RABGEF1: variants seen among roughly 807,000 people sequenced by gnomAD.
RABGEF1 encodes the protein RAB guanine nucleotide exchange factor 1.
In RABGEF1, 26 loss-of-function variants were observed where a neutral mutation model predicts 57.3. The observed-to-expected ratio is 0.45, with a 90% CI of 0.33 to 0.63. The LOEUF (loss-of-function observed/expected upper bound fraction) is 0.63, where lower values mean the gene tolerates loss of function less well. RABGEF1 is among the 20% of genes least tolerant of loss of function. The pLI is 0.02. For missense variants in RABGEF1, 464 were observed against 607.6 expected (o/e 0.76, Z 2.48); for synonymous variants, 185 against 210.7 (o/e 0.88, Z 1.06).
chr7:66,672,110 ACT>A, the RABGEF1 span, among the ~76,000 whole-genome samples: 22 of 150,250 alleles, frequency 1.5e-4, no homozygotes, highest in Admixed American at 2.6e-4. Flanking sequence ...TCCGGCTGAG[ACT>A]CTGTCTGTTA....
chr7:66,721,855 A>G (rs547894290), intron 2 of RABGEF1, among the ~76,000 whole-genome samples: 17 of 152,074 alleles, frequency 1.1e-4, no homozygotes, highest in East Asian at 3.9e-4. Context: ...GGTGCTTTGA[A>G]ACAGAAAGTT....
chr7:66,729,816 C>T (rs762790787), intron 2 of RABGEF1, among the ~76,000 whole-genome samples: 3 of 152,222 alleles, frequency 2.0e-5, no homozygotes, highest in Non-Finnish European at 4.4e-5. Context: ...TTGTGGAGCA[C>T]GTCTGCCTGT....
At chr7:66,669,171 A>G in the RABGEF1 span, 1 of 152,476 alleles carries the variant, frequency 6.6e-6, no homozygotes, top group Admixed American at 6.5e-5. Flanking sequence ...TCCAACTCCA[A>G]GCCTGTCTCT....
At chr7:66,759,079 C>T (rs1282787897) in intron 1 of RABGEF1, among the ~76,000 whole-genome samples, 3 of 152,198 alleles carry the variant, frequency 2.0e-5, no homozygotes, top group South Asian at 2.1e-4. Flanking sequence ...TCATCTCATA[C>T]GTAGATTCCT....
intron 1 of RABGEF1, among the ~76,000 whole-genome samples, chr7:66,688,096 A>T (rs1168157071): frequency 6.6e-6 from 1 of 151,672 alleles, no homozygotes; most frequent in Admixed American, 6.6e-5. Context: ...AAAAAAAAAA[A>T]AAAAAAAAAA....
intron 2 of RABGEF1, among the ~76,000 whole-genome samples, chr7:66,735,332 C>G (rs1187227990): frequency 6.6e-6 from 1 of 152,154 alleles, no homozygotes. Flanking sequence ...AATGACTGTT[C>G]CCTTAGACTA....
At chr7:66,759,227 A>G (rs1803589096) in intron 1 of RABGEF1, among the ~76,000 whole-genome samples, 1 of 152,194 alleles carries the variant, frequency 6.6e-6, no homozygotes, top group African/African-American at 2.4e-5. Flanking sequence ...CTCTCACAGG[A>G]CATATTTATT....
chr7:66,687,039 T>C (rs1417337273), intron 1 of RABGEF1, among the ~76,000 whole-genome samples: 1 of 150,856 alleles, frequency 6.6e-6, no homozygotes, highest in Non-Finnish European at 1.5e-5. Flanking sequence ...GCCAGGATGG[T>C]CTCGATCTCC....
the RABGEF1 span, among the ~76,000 whole-genome samples, chr7:66,661,298 C>CAAAAAAAAAAAAAA: frequency 1.3e-5 from 1 of 78,044 alleles, no homozygotes; most frequent in African/African-American, 5.5e-5. Context: ...GACTCCATCT[C>CAAAAAAAAAAAAAA]AAAAAAAAAA....
chr7:66,763,268 A>G (rs1390503121), intron 1 of RABGEF1, among the ~76,000 whole-genome samples: 2 of 152,240 alleles, frequency 1.3e-5, no homozygotes, highest in East Asian at 3.8e-4. Flanking sequence ...AGCATCGGCC[A>G]GCCTGGGTTT....
chr7:66,662,959 T>C, the RABGEF1 span, among the ~76,000 whole-genome samples: 3 of 152,194 alleles, frequency 2.0e-5, no homozygotes, highest in Admixed American at 6.5e-5. Context: ...CAGGCATGTG[T>C]GTGCAGGTGT....
Position 66,783,794 on chromosome 7 carries a change from A to G in RABGEF1, c.466A>G (p.Ile156Val), listed in dbSNP as rs1484417474. Residue 156 changes from isoleucine (I) to valine (V), a missense_variant, in exon 4 of 9, where the codon ATC (isoleucine) becomes GTC (valine). Coordinates refer to ENST00000284957, the MANE Select transcript of RABGEF1 (RefSeq NM_014504.3). ...GACCTTCCACAAGACAGGCCAAGAA[A>G]TCTATAAACAGACCAAGCTGTTTTT... ...LKTFHKTGQEIYKQTKLFLEG... is the reference protein window; with the variant it reads ...LKTFHKTGQEVYKQTKLFLEG... 6.2e-7 allele frequency: 1 copy of G among 1,613,620 alleles called. No homozygotes were observed. The highest frequency in any genetic ancestry group is 1.7e-5 in the Admixed American group (1 of 59,990).
intron 4 of RABGEF1, among the ~76,000 whole-genome samples, chr7:66,794,777 A>G (rs1449288242): frequency 1.3e-5 from 2 of 152,358 alleles, no homozygotes; most frequent in East Asian, 3.9e-4. Context: ...AAAATTATTT[A>G]TACCTACAGT....
chr7:66,663,762 A>T, the RABGEF1 span, among the ~76,000 whole-genome samples: 17 of 151,688 alleles, frequency 1.1e-4, no homozygotes, highest in East Asian at 5.8e-4. Flanking sequence ...TAAAAATAAA[A>T]AAATAAAAAT....
chr7:66,656,363 C>T, the RABGEF1 span, among the ~76,000 whole-genome samples: 10 of 152,218 alleles, frequency 6.6e-5, no homozygotes, highest in African/African-American at 9.6e-5. Context: ...GCAATCCTCC[C>T]GCCTCAAGTC....
At chr7:66,806,832 C>T (rs1466992965) in intron 8 of RABGEF1, among the ~76,000 whole-genome samples, 4 of 151,800 alleles carry the variant, frequency 2.6e-5, no homozygotes, top group Non-Finnish European at 5.9e-5. Context: ...TTAGTAAAGA[C>T]GGGGTTTCAC....
chr7:66,679,565 C>T (rs535604862), upstream of RABGEF1, among the ~76,000 whole-genome samples: 2 of 152,270 alleles, frequency 1.3e-5, no homozygotes, highest in East Asian at 1.9e-4. Context: ...GTGATCAGCC[C>T]GCCTCGGCCT....
chr7:66,795,450 G>A, intron 4 of RABGEF1, 61 bp from the exon 5 acceptor site: 1 of 1,398,288 alleles, frequency 7.2e-7, no homozygotes, highest in Non-Finnish European at 1.0e-6. Flanking sequence ...TTCTTAGAAT[G>A]TAGAGCTGTG....
intron 1 of RABGEF1, among the ~76,000 whole-genome samples, chr7:66,753,952 G>A (rs1319994414): frequency 1.4e-5 from 2 of 147,378 alleles, no homozygotes; most frequent in Non-Finnish European, 3.0e-5. Flanking sequence ...TGATCCACCT[G>A]CCTCTGCCTC....
Sources: gnomAD v4.1 joint callset for allele counts (sites outside exome capture counted in the v4.1 genomes callset) on GRCh38, gnomAD v4.1.1 for gene constraint, MANE v1.5 for transcripts, NCBI Gene and HGNC (gene_info 2026-07-23, HGNC 2026-07-21) for gene names.